Variants in LRRC69 observed in about 807,000 individuals in gnomAD.
LRRC69 encodes the protein leucine rich repeat containing 69.
A neutral mutation model predicts 37.8 loss-of-function variants in LRRC69; 42 were observed. That is an observed-to-expected ratio of 1.11 (90% confidence interval 0.87 to 1.44). The LOEUF is 1.44. Ranked by LOEUF, LRRC69 falls within the 40% of genes most tolerant of loss-of-function variation. The probability of loss-of-function intolerance (pLI) is 0.00; values close to 1 mark genes in which losing one functional copy is unlikely to be tolerated. For synonymous variants in LRRC69, 141 were observed against 143.1 expected (o/e 0.99, Z 0.11); for missense variants, 357 against 401.9 (o/e 0.89, Z 0.96).
chr8:91,134,365 G>A (rs1307972149), intron 4 of LRRC69, among the ~76,000 whole-genome samples: 2 of 151,682 alleles, frequency 1.3e-5, no homozygotes, highest in African/African-American at 4.8e-5. Context: ...AGGTTGTGGT[G>A]GTGGCTGGAG....
In LRRC69 at chr8:91,124,513, A is replaced by C. The variant is rs1208042548; in HGVS notation, c.204A>C (p.Gly68=). ...TGCAGTTGACAACACTAAATCTGGGAAACAACCTTTTAGAAGAAGTTCCGG... is the reference window on the plus strand; with the variant it reads ...TGCAGTTGACAACACTAAATCTGGGCAACAACCTTTTAGAAGAAGTTCCGG... Residue 68 remains glycine, a synonymous_variant, in exon 2 of 8, where the codon GGA becomes GGC. Transcript: ENST00000448384. 4 of 1,539,382 alleles carry C rather than the reference A, an allele frequency of 2.6e-6. No homozygotes were observed. In the African/African-American group the frequency reaches 5.5e-5, roughly 21 times the overall value.
At chr8:91,193,909 G>T in intron 6 of LRRC69, among the ~76,000 whole-genome samples, 1 of 132,698 alleles carries the variant, frequency 7.5e-6, no homozygotes, top group Non-Finnish European at 1.6e-5. Flanking sequence ...GTGAGAGAGG[G>T]CACCCCTGTC....
At chr8:91,200,178 T>C (rs1477369255) in intron 6 of LRRC69, among the ~76,000 whole-genome samples, 1 of 152,176 alleles carries the variant, frequency 6.6e-6, no homozygotes, top group Non-Finnish European at 1.5e-5. Flanking sequence ...TAAGCTCCCA[T>C]GTGATGCAGT....
intron 7 of LRRC69, among the ~76,000 whole-genome samples, chr8:91,204,551 T>C (rs1239426110): frequency 6.6e-6 from 1 of 152,180 alleles, no homozygotes; most frequent in Non-Finnish European, 1.5e-5. Context: ...TGAAAGTCTT[T>C]CACTTTACTC....
chr8:91,215,658 A>G (rs1032795329), intron 7 of LRRC69, among the ~76,000 whole-genome samples: 4 of 152,226 alleles, frequency 2.6e-5, no homozygotes, highest in Admixed American at 6.6e-5. Context: ...ATAAAAGCAT[A>G]TATAATCACA....
intron 1 of LRRC69, among the ~76,000 whole-genome samples, chr8:91,123,693 A>C (rs752654077): frequency 6.6e-6 from 1 of 151,966 alleles, no homozygotes; most frequent in African/African-American, 2.4e-5. Context: ...TTAAACCTGA[A>C]TAGTAAATTA....
chr8:91,184,842 G>A (rs541478629), intron 5 of LRRC69, among the ~76,000 whole-genome samples: 15 of 152,188 alleles, frequency 9.9e-5, no homozygotes, highest in Non-Finnish European at 2.1e-4. Flanking sequence ...AGAGACAAGA[G>A]AGAAGTGGAG....
At chr8:91,133,242 T>A in exon 4 of LRRC69, 1 of 1,524,462 alleles carries the variant, frequency 6.6e-7, no homozygotes, top group Non-Finnish European at 8.8e-7. Flanking sequence ...CTGAAGAGAT[T>A]AAATTCTTGA....
chr8:91,162,011 A>G (rs1430331537), intron 5 of LRRC69, among the ~76,000 whole-genome samples: 2 of 151,226 alleles, frequency 1.3e-5, no homozygotes, highest in African/African-American at 4.8e-5. Context: ...TTCTTTATTC[A>G]CCTTTGGTGA....
chr8:91,168,640 T>C (rs866403779), intron 5 of LRRC69, among the ~76,000 whole-genome samples: 14 of 151,918 alleles, frequency 9.2e-5, no homozygotes, highest in African/African-American at 3.4e-4. Context: ...GGCAGCAGCA[T>C]TGCACAGCCT....
intron 1 of LRRC69, among the ~76,000 whole-genome samples, chr8:91,121,813 A>T (rs531720109): frequency 1.3e-3 from 202 of 151,880 alleles, no homozygotes; most frequent in African/African-American, 4.8e-3. Flanking sequence ...GCTTTAAGAG[A>T]TATGTATTCA....
At chr8:91,200,813 G>A (rs188364333) in intron 7 of LRRC69, 21 bp downstream of exon 7, 65 of 1,513,882 alleles carry the variant, frequency 4.3e-5, no homozygotes, top group Admixed American at 4.0e-4. Flanking sequence ...CTTTTTATGC[G>A]AATATGAGCA....
intron 6 of LRRC69, among the ~76,000 whole-genome samples, chr8:91,200,360 G>A (rs1809691273): frequency 6.6e-6 from 1 of 152,120 alleles, no homozygotes; most frequent in Admixed American, 6.5e-5. Flanking sequence ...AATGTATTAC[G>A]ACTTGGATTC....
chr8:91,120,468 A>G (rs1813599225), intron 1 of LRRC69, among the ~76,000 whole-genome samples: 1 of 152,058 alleles, frequency 6.6e-6, no homozygotes, highest in African/African-American at 2.4e-5. Context: ...TGGTTCCAGG[A>G]GAAATGTAGT....
chr8:91,166,048 C>T (rs762945273), intron 5 of LRRC69, among the ~76,000 whole-genome samples: 1 of 151,772 alleles, frequency 6.6e-6, no homozygotes, highest in Non-Finnish European at 1.5e-5. Flanking sequence ...AACTTTCATG[C>T]ACTGCATATG....
At chr8:91,155,831 C>G (rs1434782089) in intron 5 of LRRC69, among the ~76,000 whole-genome samples, 6 of 149,566 alleles carry the variant, frequency 4.0e-5, no homozygotes, top group Admixed American at 1.3e-4. Context: ...CTTTTTATGA[C>G]TAAATAATAT....
intron 5 of LRRC69, chr8:91,158,216 A>G: frequency 1.3e-6 from 2 of 1,599,222 alleles, no homozygotes; most frequent in Non-Finnish European, 1.7e-6. Context: ...TTACTATTCA[A>G]CTGTGGATCA....
At chr8:91,213,167 G>A (rs1039086599) in intron 7 of LRRC69, among the ~76,000 whole-genome samples, 5 of 152,256 alleles carry the variant, frequency 3.3e-5, no homozygotes, top group Middle Eastern at 3.4e-3. Flanking sequence ...GGGAGAGCAG[G>A]ACCACTGTGT....
intron 7 of LRRC69, among the ~76,000 whole-genome samples, chr8:91,217,973 A>G (rs1050392425): frequency 1.3e-5 from 2 of 152,118 alleles, no homozygotes; most frequent in Admixed American, 6.6e-5. Flanking sequence ...CTGCTGATAC[A>G]TCACCAGGGT....
Sources: allele counts gnomAD v4.1 joint callset (sites outside exome capture counted in the v4.1 genomes callset), GRCh38; gene constraint gnomAD v4.1.1; transcripts MANE v1.5; gene names NCBI Gene and HGNC (gene_info 2026-07-23, HGNC 2026-07-21).